XIRP2: variants seen among roughly 807,000 people sequenced by gnomAD.
XIRP2 encodes the protein xin actin-binding repeat-containing protein 2.
XIRP2 carries 236 observed loss-of-function variants against 277.0 expected under a neutral mutation model. That is an observed-to-expected ratio of 0.85 (90% CI 0.77 to 0.95). The LOEUF (loss-of-function observed/expected upper bound fraction) is 0.95. XIRP2 is among the 40% of genes least tolerant of loss of function. The pLI is 0.00. For missense variants in XIRP2, 4,640 were observed against 4,157.5 expected (o/e 1.12, Z -3.19); for synonymous variants, 1,490 against 1,416.5 (o/e 1.05, Z -1.17).
Position 167,241,916 on chromosome 2 carries a change from G to T in XIRP2, c.1176+6G>T, listed in dbSNP as rs918841129. The T allele has an allele frequency of 6.2e-7, 1 of 1,608,728 alleles. No individual in the cohort carries two copies. The highest frequency in any genetic ancestry group is 8.5e-7 in the Non-Finnish European group (1 of 1,178,154). On this transcript the variant is annotated splice_donor_region_variant and intron_variant, in intron 8 of 10. Coordinates refer to ENST00000409195, the MANE Select transcript of XIRP2 (RefSeq NM_152381.6). ...CCCCAGCCAAGCAGATTAAGGTAAA[G>T]TCATTTCTTTACACAGAAACATACT... is the stretch of plus-strand genomic sequence containing the variant.
intron 5 of XIRP2, among the ~76,000 whole-genome samples, chr2:167,223,754 A>C (rs1392248967): frequency 6.6e-6 from 1 of 152,160 alleles, no homozygotes. Flanking sequence ...TCAACATACA[A>C]GGTTGTGACC....
At chr2:167,102,502 G>T (rs540555097) in intron 2 of XIRP2, among the ~76,000 whole-genome samples, 1 of 152,244 alleles carries the variant, frequency 6.6e-6, no homozygotes, top group South Asian at 2.1e-4. Context: ...AAGAATTATA[G>T]TTACAGTTAG....
intron 2 of XIRP2, among the ~76,000 whole-genome samples, chr2:167,088,923 C>T (rs971693415): frequency 6.6e-6 from 1 of 152,144 alleles, no homozygotes; most frequent in African/African-American, 2.4e-5. Context: ...CATTCTCTGT[C>T]TTCCCTACTA....
rs534564164 is a variant in XIRP2 at position 166,902,792 on chromosome 2, T to C, written c.-18-673T>C. Among the ~76,000 whole-genome samples the C allele has an allele frequency of 4.9e-4, 75 of 152,168 alleles. 1 individual carries two copies. In the South Asian group the frequency reaches 0.015, roughly 31 times the overall value. The stretch of plus-strand genomic sequence containing the variant: ...GGCAGATCCTGGAGTTCCACAGATG[T>C]ATTTCAAATCCAGGCTTTGTCACTC... On this transcript the variant is annotated intron_variant, in intron 1 of 10. Transcript: ENST00000409195.
chr2:166,966,329 ATATAACT>A (rs1269458484), intron 2 of XIRP2, among the ~76,000 whole-genome samples: 1 of 151,888 alleles, frequency 6.6e-6, no homozygotes, highest in Non-Finnish European at 1.5e-5. Context: ...ATTTCTGTTC[ATATAACT>A]TATAAATACA....
intron 3 of XIRP2, among the ~76,000 whole-genome samples, chr2:167,198,461 G>A (rs1164273691): frequency 6.6e-6 from 1 of 152,154 alleles, no homozygotes; most frequent in African/African-American, 2.4e-5. Flanking sequence ...ATGCAGTTGT[G>A]AAAGTACAAA....
rs748129407 is a variant in XIRP2, at chr2:167,246,760, C to T, written c.5368C>T (p.Leu1790=). 1 of 1,613,808 alleles carries T rather than the reference C, an allele frequency of 6.2e-7. No homozygotes were observed. The highest frequency in any genetic ancestry group is 1.7e-5 in the Admixed American group (1 of 59,996). ...IIGGDVEGTK[L]LLKKRQSLVE... ...TGGTGGTGATGTTGAAGGTACAAAA[C>T]TGTTACTGAAGAAAAGGCAGTCTCT... Residue 1790 remains leucine (L), a synonymous_variant, in exon 9 of 11, where the codon CTG becomes TTG. Transcript: ENST00000409195.
intron 4 of XIRP2, among the ~76,000 whole-genome samples, chr2:167,217,527 C>T (rs866557369): frequency 1.3e-5 from 2 of 151,974 alleles, no homozygotes; most frequent in South Asian, 2.1e-4. Context: ...GCTGTGAGAA[C>T]GTAATAACTG....
intron 2 of XIRP2, among the ~76,000 whole-genome samples, chr2:166,947,212 C>G (rs978488107): frequency 6.6e-6 from 1 of 152,112 alleles, no homozygotes; most frequent in Non-Finnish European, 1.5e-5. Flanking sequence ...ACAATGAATA[C>G]TGCATCATTT....
Position 167,243,018 on chromosome 2 carries a change from C to A in XIRP2, c.1626C>A (p.Ala542=). Residue 542 remains alanine, a synonymous_variant, in exon 9 of 11, where the codon GCC becomes GCA. Transcript: ENST00000409195. ...GSSVSADVQQ[A]RYVFENTNDS... ...CAGTCTCAGCAGATGTGCAACAAGC[C>A]CGGTATGTTTTTGAAAACACAAATG... The A allele has an allele frequency of 6.2e-7, 1 of 1,613,908 alleles. No homozygotes were observed. Among genetic ancestry groups the A allele is most frequent in the Non-Finnish European group, 8.5e-7 (1 of 1,179,946 alleles).
At chr2:167,219,122 T>C (rs1158390903) in intron 5 of XIRP2, among the ~76,000 whole-genome samples, 1 of 152,126 alleles carries the variant, frequency 6.6e-6, no homozygotes, top group Non-Finnish European at 1.5e-5. Context: ...GTGCTATGTG[T>C]GGCAGGGGAT....
chr2:167,245,371 C>T lies in XIRP2; in HGVS notation c.3979C>T (p.Arg1327Ter), dbSNP rs377388661. 13 of 1,613,338 alleles carry T rather than the reference C, an allele frequency of 8.1e-6. No homozygotes were observed. Among genetic ancestry groups the T allele is most frequent in the Middle Eastern group, 3.3e-4 (2 of 6,080 alleles). ...CCAGCCACTCTATGCAATTCAAGAC[C>T]GAGAAGGGTCCTATCATGAAGTGAC... ...ETQPLYAIQD[R>*]EGSYHEVTTV... The change falls in exon 9 of 11, where the codon CGA (arginine) becomes TGA (stop). Residue 1327 changes from arginine (R) to a stop codon, truncating the protein, a stop_gained. Transcript: ENST00000409195. LOFTEE classifies it high-confidence loss of function.
chr2:167,139,071 A>T (rs1177131542), intron 3 of XIRP2, among the ~76,000 whole-genome samples: 2 of 150,622 alleles, frequency 1.3e-5, no homozygotes, highest in East Asian at 2.0e-4. Flanking sequence ...TGTCTCAAAA[A>T]ATATATATAT....
At chr2:167,141,773 A>T (rs973636751) in intron 3 of XIRP2, among the ~76,000 whole-genome samples, 1 of 152,114 alleles carries the variant, frequency 6.6e-6, no homozygotes, top group African/African-American at 2.4e-5. Context: ...AGGCAGGAGG[A>T]TCCCTTGAGT....
intron 5 of XIRP2, among the ~76,000 whole-genome samples, chr2:167,225,832 GTTTATCCTCTA>G (rs1694582466): frequency 6.6e-6 from 1 of 152,078 alleles, no homozygotes; most frequent in South Asian, 2.1e-4. Context: ...CCTTTAATCT[GTTTATCCTCTA>G]CAGCTCTTTC....
chr2:167,157,913 GGA>G (rs1347866681), intron 3 of XIRP2, among the ~76,000 whole-genome samples: 2 of 152,170 alleles, frequency 1.3e-5, no homozygotes, highest in Non-Finnish European at 2.9e-5. Flanking sequence ...AAATATTGTA[GGA>G]GAGACTATTA....
At chr2:166,967,071 A>G (rs1686452412) in intron 2 of XIRP2, among the ~76,000 whole-genome samples, 1 of 151,964 alleles carries the variant, frequency 6.6e-6, no homozygotes, top group African/African-American at 2.4e-5. Context: ...TTTGAGTTCT[A>G]TGACAAAATG....
chr2:167,006,676 C>T (rs1687512159), intron 2 of XIRP2, among the ~76,000 whole-genome samples: 1 of 151,664 alleles, frequency 6.6e-6, no homozygotes, highest in Admixed American at 6.6e-5. Context: ...GTAGACCAAG[C>T]ATCCCAGCAA....
intron 3 of XIRP2, among the ~76,000 whole-genome samples, chr2:167,205,175 C>T (rs777743932): frequency 6.6e-6 from 1 of 152,108 alleles, no homozygotes; most frequent in Non-Finnish European, 1.5e-5. Context: ...CCACTATAGG[C>T]TCCCAACTCA....
Sources: allele counts gnomAD v4.1 joint callset (sites outside exome capture counted in the v4.1 genomes callset), GRCh38; gene constraint gnomAD v4.1.1; transcripts MANE v1.5; gene names NCBI Gene and HGNC (gene_info 2026-07-23, HGNC 2026-07-21).